The following PCDHGA7 variants were observed in gnomAD, a reference collection of about 807,000 sequenced individuals.
PCDHGA7 encodes protocadherin gamma subfamily A, 7, also known as protocadherin gamma-A7.
In PCDHGA7, 44 loss-of-function variants were observed where a neutral mutation model predicts 58.3. The ratio of observed to expected loss-of-function variants is 0.75; its 90% CI spans 0.59 to 0.97. The LOEUF is 0.97. Ranked by LOEUF, PCDHGA7 falls within the 50% of genes least tolerant of loss-of-function variation. PCDHGA7 has a pLI of 0.00. For missense variants in PCDHGA7, 1,266 were observed against 1,188.7 expected (o/e 1.06, Z -0.96); for synonymous variants, 516 against 504.2 (o/e 1.02, Z -0.31).
intron 1 of PCDHGA7, chr5:141,433,169 C>T: frequency 6.2e-7 from 1 of 1,613,000 alleles, no homozygotes; most frequent in Non-Finnish European, 8.5e-7. Context: ...TAAAGACAGT[C>T]ATGGGTTAAT....
intron 1 of PCDHGA7, chr5:141,423,165 C>G: frequency 6.2e-7 from 1 of 1,613,434 alleles, no homozygotes; most frequent in Non-Finnish European, 8.5e-7. Context: ...TCGTGGTGGC[C>G]GTCCAGGACC....
At chr5:141,484,383 A>C (rs968059260) in intron 1 of PCDHGA7, among the ~76,000 whole-genome samples, 1 of 152,194 alleles carries the variant, frequency 6.6e-6, no homozygotes, top group Non-Finnish European at 1.5e-5. Context: ...ATGTCTGAAT[A>C]AGAAAGGTTT....
intron 1 of PCDHGA7, among the ~76,000 whole-genome samples, chr5:141,463,099 A>G (rs1445730117): frequency 1.4e-4 from 21 of 152,204 alleles, no homozygotes; most frequent in Admixed American, 1.4e-3. Context: ...CTATGTGACC[A>G]TCAAGAATTC....
In PCDHGA7 at chr5:141,487,765, GC is replaced by G. The variant is rs2099665397; in HGVS notation, c.2425-7041del. The G allele has an allele frequency of 6.5e-7, 1 of 1,541,774 alleles. No individual in the cohort carries two copies. Among genetic ancestry groups the G allele is most frequent in the South Asian group, 1.2e-5 (1 of 83,146 alleles). On this transcript the variant is annotated intron_variant, in intron 1 of 3. Transcript: ENST00000518325. This position sits in a 1 kb window ranked among gnomAD's most constrained non-coding sequence, Gnocchi z 5.0. ...GAGGTAACTATGTGGTAGACGCTGT[GC>G]TTTGTAACTGTTTCGTGAATTAACC...
At chr5:141,452,897 T>C (rs1447851469) in intron 1 of PCDHGA7, among the ~76,000 whole-genome samples, 1 of 152,230 alleles carries the variant, frequency 6.6e-6, no homozygotes, top group Non-Finnish European at 1.5e-5. Flanking sequence ...CCACTTTTAT[T>C]AGTTGGCATT....
At chr5:141,407,969 A>C (rs900029714) in intron 1 of PCDHGA7, 1 of 708,308 alleles carries the variant, frequency 1.4e-6, no homozygotes, top group Non-Finnish European at 2.2e-6. Flanking sequence ...GCAAGCGCTG[A>C]CGCCGGGGAT....
intron 1 of PCDHGA7, chr5:141,408,674 A>T (rs1005052894): frequency 3.1e-6 from 5 of 1,614,000 alleles, no homozygotes; most frequent in Non-Finnish European, 4.2e-6. Flanking sequence ...TGACCCTGCC[A>T]CGGATCCTGA....
Position 141,431,103 on chromosome 5 carries a change from A to C in PCDHGA7, c.2424+45780A>C, listed in dbSNP as rs769542343. On this transcript the variant is annotated intron_variant, in intron 1 of 3. Coordinates refer to ENST00000518325, the MANE Select transcript of PCDHGA7 (RefSeq NM_018920.4). This position sits in a 1 kb window ranked among gnomAD's most constrained non-coding sequence, Gnocchi z 4.8. ...GACATTCTGATGGAGGATAAAGTGA[A>C]AATATATGGAGTAGAAGTAGAAGTA... 6.2e-7 allele frequency: 1 copy of C among 1,614,246 alleles called. No individual in the cohort carries two copies.
At chr5:141,494,972 C>T (rs1005793988) in intron 2 of PCDHGA7, 107 bp downstream of exon 2, 69 of 1,581,734 alleles carry the variant, frequency 4.4e-5, no homozygotes, top group Non-Finnish European at 5.9e-5. Context: ...TGGCTTCTCC[C>T]TCAGTTTGAG....
chr5:141,408,738 C>T, intron 1 of PCDHGA7: 2 of 1,609,632 alleles, frequency 1.2e-6, no homozygotes, highest in Non-Finnish European at 1.7e-6. Flanking sequence ...CCTTATTTTT[C>T]ATTAATGGTT....
chr5:141,421,879 G>T (rs1458461652), intron 1 of PCDHGA7: 1 of 1,613,746 alleles, frequency 6.2e-7, no homozygotes, highest in Non-Finnish European at 8.5e-7. Context: ...AGCTTTAGAT[G>T]GAGGCGATCC....
At chr5:141,450,608 T>A (rs916441293) in intron 1 of PCDHGA7, among the ~76,000 whole-genome samples, 1 of 151,894 alleles carries the variant, frequency 6.6e-6, no homozygotes, top group East Asian at 1.9e-4. Flanking sequence ...TGCCTCAGCC[T>A]CCTGAGTAGC....
intron 1 of PCDHGA7, chr5:141,400,256 G>T (rs756430299): frequency 8.1e-6 from 13 of 1,613,868 alleles, no homozygotes; most frequent in Non-Finnish European, 1.1e-5. Flanking sequence ...GTTGCCTTGC[G>T]CCTGCGACGC....
At chr5:141,472,408 G>T (rs780468341) in intron 1 of PCDHGA7, among the ~76,000 whole-genome samples, 1 of 152,064 alleles carries the variant, frequency 6.6e-6, no homozygotes, top group Non-Finnish European at 1.5e-5. Flanking sequence ...AGGCGTGGTG[G>T]CACGCACCTG....
intron 1 of PCDHGA7, chr5:141,422,094 T>C: frequency 1.2e-6 from 2 of 1,610,648 alleles, no homozygotes; most frequent in Non-Finnish European, 1.7e-6. Flanking sequence ...AAAGCAAGGC[T>C]TCTGAAATAT....
In PCDHGA7 at chr5:141,403,920, A is replaced by T. The variant is rs1470961343; in HGVS notation, c.2424+18597A>T. 8.1e-6 allele frequency: 13 copies of T among 1,613,904 alleles called. No homozygotes were observed. Among genetic ancestry groups the T allele is most frequent in the Non-Finnish European group, 1.1e-5 (13 of 1,179,882 alleles). On this transcript the variant is annotated intron_variant, in intron 1 of 3. Transcript: ENST00000518325. ...TATGAAATGGAAATACAAGCTGAAG[A>T]TGGTGGGGGATTGAAAGGGTGGACA...
intron 1 of PCDHGA7, chr5:141,388,748 C>T: frequency 6.2e-7 from 1 of 1,613,928 alleles, no homozygotes; most frequent in Non-Finnish European, 8.5e-7. Flanking sequence ...GCCAGATCAC[C>T]CAATTTGACC....
intron 3 of PCDHGA7, among the ~76,000 whole-genome samples, chr5:141,506,485 A>C (rs2154593953): frequency 6.6e-6 from 1 of 150,572 alleles, no homozygotes; most frequent in East Asian, 2.0e-4. Flanking sequence ...CTTTAGAGGC[A>C]GGCCAATCTG....
At chr5:141,473,501 G>A (rs1053399138) in intron 1 of PCDHGA7, among the ~76,000 whole-genome samples, 2 of 152,188 alleles carry the variant, frequency 1.3e-5, no homozygotes, top group South Asian at 4.1e-4. Context: ...GGTGTTCTGA[G>A]AGAGCATAAC....
Sources: gnomAD v4.1 joint callset for allele counts (sites outside exome capture counted in the v4.1 genomes callset) on GRCh38, gnomAD v4.1.1 for gene constraint, Gnocchi (gnomAD v3.1) non-coding constraint, MANE v1.5 for transcripts, NCBI Gene and HGNC (gene_info 2026-07-23, HGNC 2026-07-21) for gene names.